The following HERC2 variants were observed in gnomAD, a reference collection of about 807,000 sequenced individuals.
HERC2 encodes the protein HECT and RLD domain containing E3 ubiquitin protein ligase 2.
HERC2 carries 102 observed loss-of-function variants against 537.7 expected under a neutral mutation model. The ratio of observed to expected loss-of-function variants is 0.19; its 90% CI spans 0.16 to 0.22. The LOEUF (loss-of-function observed/expected upper bound fraction) is 0.22. Among genes scored for constraint, HERC2 ranks in the 10% least tolerant of loss-of-function variants. The pLI is 1.00. For synonymous variants in HERC2, 2,224 were observed against 2,466.2 expected, an observed-to-expected ratio of 0.90 and a Z score of 2.91; for missense variants, 4,236 against 6,198.2, an observed-to-expected ratio of 0.68 and a Z score of 10.63.
intron 23 of HERC2, among the ~76,000 whole-genome samples, chr15:28,242,452 C>T (rs769886356): frequency 1.3e-5 from 2 of 152,182 alleles, no homozygotes; most frequent in East Asian, 1.9e-4. Context: ...GACAAACTAA[C>T]GTTCTCTGGT....
At position 28,141,594 on chromosome 15, in the gene HERC2, A is replaced by ACTG; in HGVS notation, c.11850_11852dup (p.Ser3951dup). 6.2e-7 allele frequency: 1 copy of ACTG among 1,614,116 alleles called. No individual in the cohort carries two copies. Among genetic ancestry groups the ACTG allele is most frequent in the Non-Finnish European group, 8.5e-7 (1 of 1,180,020 alleles). On this transcript the variant is annotated inframe_insertion, in exon 78 of 93. Transcript: ENST00000261609. The stretch of plus-strand genomic sequence containing the variant: ...TATGTCCCCATCCATAAATTGTTCC[A>ACTG]CTGCCACCAGCAGAGAGAGTCCAGT...
At position 28,260,929 on chromosome 15, in the gene HERC2, G is replaced by A. The variant is rs1410184490; in HGVS notation, c.2164C>T (p.Leu722=). The A allele has an allele frequency of 6.2e-7, 1 of 1,613,980 alleles. No individual in the cohort carries two copies. Among genetic ancestry groups the A allele is most frequent in the African/African-American group, 1.3e-5 (1 of 74,944 alleles). ...ACCTCGCTGTCCTCAGTCAGAGCCA[G>A]GCAGTGGGTGGAGCCTGCAGCCACA... ...IDVAAGSTHC[L]ALTEDSEVHS... The change falls in exon 16 of 93, where the codon CTG becomes TTG. Residue 722 remains leucine, a synonymous_variant. Coordinates refer to ENST00000261609, the MANE Select transcript of HERC2 (RefSeq NM_004667.6).
chr15:28,131,986 G>A (rs1168028437), intron 81 of HERC2, 114 bp downstream of exon 81: 1 of 858,078 alleles, frequency 1.2e-6, no homozygotes, highest in East Asian at 2.8e-5. Context: ...CTCCTAAGGA[G>A]CACACACGGG....
At chr15:28,189,785 T>C (rs1311553493) in intron 55 of HERC2, among the ~76,000 whole-genome samples, 2 of 152,114 alleles carry the variant, frequency 1.3e-5, no homozygotes, top group Non-Finnish European at 2.9e-5. Flanking sequence ...TCTCCAAAAA[T>C]AAATACAAAT....
chr15:28,154,409 C>G (rs187118903), intron 69 of HERC2, among the ~76,000 whole-genome samples: 9 of 152,222 alleles, frequency 5.9e-5, no homozygotes, highest in African/African-American at 2.2e-4. Context: ...TCTTGCCAAC[C>G]TGGCAAGGGC....
At chr15:28,314,879 A>G (rs1462070618) in intron 2 of HERC2, among the ~76,000 whole-genome samples, 18 of 145,858 alleles carry the variant, frequency 1.2e-4, no homozygotes, top group African/African-American at 4.4e-4. Flanking sequence ...AAAAAAAAAA[A>G]TCATATGTCA....
chr15:28,296,751 T>G (rs900666975), intron 3 of HERC2, among the ~76,000 whole-genome samples: 31 of 148,242 alleles, frequency 2.1e-4, no homozygotes, highest in African/African-American at 7.7e-4. Context: ...ATATGGACAC[T>G]CTTAGCCTCA....
intron 2 of HERC2, among the ~76,000 whole-genome samples, chr15:28,306,261 G>T (rs1325031595): frequency 6.6e-6 from 1 of 152,146 alleles, no homozygotes; most frequent in Non-Finnish European, 1.5e-5. Context: ...CCAGTTTTTT[G>T]GGGGTTTTTA....
intron 47 of HERC2, 110 bp from the exon 48 acceptor site, chr15:28,201,664 CTTTA>C (rs1378646930): frequency 2.8e-6 from 2 of 713,770 alleles, no homozygotes; most frequent in African/African-American, 3.6e-5. Context: ...GGATGAAATC[CTTTA>C]TTTTCTCTAT....
In HERC2 at chr15:28,113,227, T is replaced by C. The variant is rs761624672; in HGVS notation, c.14076A>G (p.Lys4692=). Residue 4692 remains lysine (K), a synonymous_variant, in exon 92 of 93, where the codon AAA becomes AAG. Coordinates refer to ENST00000261609, the MANE Select transcript of HERC2 (RefSeq NM_004667.6). The surrounding 1 kb of genome is among the most constrained non-coding windows in gnomAD (Gnocchi z 7.0). ...LHLLKSVATY[K]GIEPSASLIQ... ...TCAGCGATGCGGAAGGCTCGATGCC[T>C]TTATAGGTGGCCACCGACTTGAGAA... is the stretch of plus-strand genomic sequence containing the variant. 1 of 1,614,116 alleles carries C rather than the reference T, an allele frequency of 6.2e-7. No individual in the cohort carries two copies. Among genetic ancestry groups the C allele is most frequent in the Admixed American group, 1.7e-5 (1 of 60,024 alleles).
intron 10 of HERC2, among the ~76,000 whole-genome samples, chr15:28,270,266 T>C (rs563596094): frequency 5.9e-4 from 88 of 149,418 alleles, no homozygotes; most frequent in African/African-American, 1.7e-3. Flanking sequence ...GATAGATAGA[T>C]AGACAGACAG....
chr15:28,212,433 C>T lies in HERC2; in HGVS notation c.6925+12G>A, dbSNP rs759283691. The T allele has an allele frequency of 6.2e-7, 1 of 1,610,508 alleles. No individual in the cohort carries two copies. ...ACGGCAGCTATTTCATCAAGAAGCA[C>T]CATGTACTGACCTGCAAAGGCCTGT... On this transcript the variant is annotated intron_variant, in intron 43 of 92. Transcript: ENST00000261609.
intron 69 of HERC2, among the ~76,000 whole-genome samples, chr15:28,160,146 G>C (rs1382411657): frequency 6.6e-6 from 1 of 152,188 alleles, no homozygotes; most frequent in Non-Finnish European, 1.5e-5. Flanking sequence ...TGCTCCTACT[G>C]GGGGGTGCCT....
At chr15:28,262,105 T>G (rs2075430801) in intron 15 of HERC2, among the ~76,000 whole-genome samples, 1 of 152,222 alleles carries the variant, frequency 6.6e-6, no homozygotes. Context: ...GATGTACCTC[T>G]CACACTGCCT....
chr15:28,285,890 G>C (rs568520633), intron 4 of HERC2, among the ~76,000 whole-genome samples: 1 of 150,216 alleles, frequency 6.7e-6, no homozygotes, highest in Non-Finnish European at 1.5e-5. Flanking sequence ...GGAATTACTA[G>C]GAACAACTCT....
intron 37 of HERC2, among the ~76,000 whole-genome samples, chr15:28,219,625 G>A (rs1341618973): frequency 1.3e-5 from 2 of 152,184 alleles, no homozygotes; most frequent in African/African-American, 4.8e-5. Context: ...TGTGTGCCCC[G>A]AGCCCAGACG....
chr15:28,297,013 C>T (rs949246292), intron 3 of HERC2, among the ~76,000 whole-genome samples: 1 of 152,184 alleles, frequency 6.6e-6, no homozygotes, highest in African/African-American at 2.4e-5. Context: ...CGGGCATACG[C>T]ACGAAAGATA....
chr15:28,133,188 T>C (rs1316516222), intron 79 of HERC2, among the ~76,000 whole-genome samples: 1 of 152,012 alleles, frequency 6.6e-6, no homozygotes, highest in Non-Finnish European at 1.5e-5. Context: ...AGTTACCATC[T>C]GGCCCTATAA....
At chr15:28,188,717 AAAATGTTGAT>A (rs1443722621) in intron 55 of HERC2, among the ~76,000 whole-genome samples, 8 of 152,124 alleles carry the variant, frequency 5.3e-5, no homozygotes, top group Non-Finnish European at 1.2e-4. Flanking sequence ...CATGACTGGC[AAAATGTTGAT>A]AAATGTTGAA....
Sources: gnomAD v4.1 joint callset for allele counts (sites outside exome capture counted in the v4.1 genomes callset) on GRCh38, gnomAD v4.1.1 for gene constraint, Gnocchi (gnomAD v3.1) non-coding constraint, MANE v1.5 for transcripts, NCBI Gene and HGNC (gene_info 2026-07-23, HGNC 2026-07-21) for gene names.